DGKG: variants seen among roughly 807,000 people sequenced by gnomAD.
The protein encoded by DGKG is diacylglycerol kinase gamma, also known as DAG kinase gamma.
A neutral mutation model predicts 105.3 loss-of-function variants in DGKG; 78 were observed. That is an observed-to-expected ratio of 0.74 (90% CI 0.62 to 0.89). The LOEUF (loss-of-function observed/expected upper bound fraction) is 0.89. DGKG is among the 40% of genes least tolerant of loss of function. DGKG has a pLI of 0.00. For missense variants in DGKG, 958 were observed against 1,020.1 expected (o/e 0.94, Z 0.83); for synonymous variants, 346 against 367.1 (o/e 0.94, Z 0.66).
intron 14 of DGKG, among the ~76,000 whole-genome samples, chr3:186,262,999 T>C (rs1350011103): frequency 6.6e-6 from 1 of 151,358 alleles, no homozygotes; most frequent in Non-Finnish European, 1.5e-5. Flanking sequence ...TGGTGGGAGG[T>C]GCCTGTAATC....
intron 1 of DGKG, among the ~76,000 whole-genome samples, chr3:186,344,898 T>G (rs1262924527): frequency 6.6e-6 from 1 of 152,232 alleles, no homozygotes; most frequent in African/African-American, 2.4e-5. Context: ...AAATAAATTT[T>G]ATTATGTGCT....
chr3:186,332,676 A>C (rs1248575210), intron 1 of DGKG, among the ~76,000 whole-genome samples: 1 of 152,152 alleles, frequency 6.6e-6, no homozygotes, highest in East Asian at 1.9e-4. Context: ...GAAAATATTA[A>C]CACATGCTTC....
At chr3:186,267,832 C>T in intron 12 of DGKG, 55 bp from the exon 13 acceptor site, 2 of 1,544,684 alleles carry the variant, frequency 1.3e-6, no homozygotes, top group Middle Eastern at 3.4e-4. Flanking sequence ...AAACATCAAA[C>T]ATGAAGGTGG....
chr3:186,349,241 T>C (rs1434260356), intron 1 of DGKG, among the ~76,000 whole-genome samples: 2 of 152,086 alleles, frequency 1.3e-5, no homozygotes, highest in African/African-American at 4.8e-5. Flanking sequence ...TCCTGAAAAA[T>C]TCTGTATTTA....
intron 5 of DGKG, among the ~76,000 whole-genome samples, chr3:186,290,637 G>A (rs952181994): frequency 2.0e-5 from 3 of 152,196 alleles, no homozygotes; most frequent in Non-Finnish European, 4.4e-5. Flanking sequence ...CTTCTAGGCC[G>A]CAGCACAGAG....
chr3:186,260,397 G>A, intron 16 of DGKG, 42 bp downstream of exon 16: 4 of 1,422,738 alleles, frequency 2.8e-6, no homozygotes, highest in Non-Finnish European at 4.0e-6. Context: ...GAGTTTAAAA[G>A]GGAGGGGGAG....
At chr3:186,168,870 A>C (rs1716683750) in intron 22 of DGKG, among the ~76,000 whole-genome samples, 1 of 152,076 alleles carries the variant, frequency 6.6e-6, no homozygotes, top group African/African-American at 2.4e-5. Context: ...AACAAACAAA[A>C]CACCAAGTGC....
At chr3:186,237,798 G>A (rs1454600010) in intron 20 of DGKG, among the ~76,000 whole-genome samples, 2 of 152,098 alleles carry the variant, frequency 1.3e-5, no homozygotes, top group Non-Finnish European at 2.9e-5. Flanking sequence ...CATGACTTTT[G>A]TTAGTTGACT....
intron 9 of DGKG, among the ~76,000 whole-genome samples, chr3:186,277,034 AC>A (rs1722619790): frequency 6.6e-6 from 1 of 151,854 alleles, no homozygotes; most frequent in Admixed American, 6.6e-5. Context: ...ATTACCTCAA[AC>A]CCTGCTTCTT....
intron 24 of DGKG, among the ~76,000 whole-genome samples, chr3:186,152,630 G>A (rs4553968): frequency 0.13 from 20,474 of 152,056 alleles, 1,590 homozygotes; most frequent in South Asian, 0.29. Context: ...GATGGTAGCT[G>A]GTGCCTACAT....
chr3:186,215,742 T>C (rs1280618139), intron 20 of DGKG, among the ~76,000 whole-genome samples: 2 of 152,148 alleles, frequency 1.3e-5, no homozygotes, highest in Non-Finnish European at 2.9e-5. Context: ...GTCACAGTGA[T>C]AGCCAAGTTT....
intron 16 of DGKG, among the ~76,000 whole-genome samples, chr3:186,258,848 T>G (rs1721606246): frequency 6.6e-6 from 1 of 152,160 alleles, no homozygotes; most frequent in Admixed American, 6.5e-5. Context: ...ATTTATGCAT[T>G]AAGAAATATT....
intron 24 of DGKG, among the ~76,000 whole-genome samples, chr3:186,153,831 G>T (rs1037396795): frequency 6.6e-6 from 1 of 152,182 alleles, no homozygotes; most frequent in Non-Finnish European, 1.5e-5. Context: ...GGGGCCAGGC[G>T]CGGTGGCTCA....
At chr3:186,241,312 G>A (rs1340648024) in intron 20 of DGKG, among the ~76,000 whole-genome samples, 1 of 148,300 alleles carries the variant, frequency 6.7e-6, no homozygotes, top group African/African-American at 2.5e-5. Context: ...CAGCACTTTG[G>A]GAGGCCGAGG....
At chr3:186,253,285 T>C in intron 17 of DGKG, 103 bp from the exon 18 acceptor site, 1 of 899,000 alleles carries the variant, frequency 1.1e-6, no homozygotes, top group Non-Finnish European at 1.8e-6. Flanking sequence ...CTCCATAGCA[T>C]TCTTTGTTTG....
chr3:186,345,100 T>C (rs1309517991), intron 1 of DGKG, among the ~76,000 whole-genome samples: 1 of 152,188 alleles, frequency 6.6e-6, no homozygotes, highest in Middle Eastern at 3.2e-3. Flanking sequence ...TCCATGGCCA[T>C]TATATCTTCA....
At chr3:186,162,594 C>CA (rs1716349278) in intron 23 of DGKG, among the ~76,000 whole-genome samples, 1 of 152,220 alleles carries the variant, frequency 6.6e-6, no homozygotes, top group African/African-American at 2.4e-5. Context: ...GGCTGGAGTG[C>CA]AGTGGCACCA....
intron 1 of DGKG, among the ~76,000 whole-genome samples, chr3:186,342,901 T>C (rs1726151310): frequency 6.6e-6 from 1 of 152,000 alleles, no homozygotes; most frequent in Non-Finnish European, 1.5e-5. Flanking sequence ...GCCTGCAGGC[T>C]CACCCACAGA....
Position 186,260,469 on chromosome 3 carries a change from A to T in DGKG, c.1394T>A (p.Phe465Tyr). 6.2e-7 allele frequency: 1 copy of T among 1,613,842 alleles called. No homozygotes were observed. The highest frequency in any genetic ancestry group is 1.1e-5 in the South Asian group (1 of 91,066). ...FHYLLNPKQVFNLDNGGPTPG... is the reference protein window; with the variant it reads ...FHYLLNPKQVYNLDNGGPTPG... Reference sequence around the variant, plus strand: ...AGTAGGCCCCCCATTGTCCAGGTTGAAAACTTGTTTGGGGTTGAGCAGATA... The same window carrying T: ...AGTAGGCCCCCCATTGTCCAGGTTGTAAACTTGTTTGGGGTTGAGCAGATA... The change falls in exon 16 of 25, where the codon TTC becomes TAC. Residue 465 changes from phenylalanine (F) to tyrosine (Y), a missense_variant. By Grantham distance (22) the Phe-to-Tyr change is conservative. Around this residue, in one of 2 missense-constraint regions of DGKG, gnomAD observed 643 missense variants for 619.5 expected, o/e 1.04. Coordinates refer to ENST00000265022, the MANE Select transcript of DGKG (RefSeq NM_001346.3).
Sources: gnomAD v4.1 joint callset for allele counts (sites outside exome capture counted in the v4.1 genomes callset) on GRCh38, gnomAD v4.1.1 for gene constraint, gnomAD v4.1.1 regional missense constraint, MANE v1.5 for transcripts, NCBI Gene and HGNC (gene_info 2026-07-23, HGNC 2026-07-21) for gene names.